The following RHBDD1 variants were observed in gnomAD, a reference collection of about 807,000 sequenced individuals.
The protein encoded by RHBDD1 is rhomboid-related protein 4.
Under a neutral mutation model 36.3 loss-of-function variants are expected in RHBDD1, and 38 were observed. That is an observed-to-expected ratio of 1.05 (90% CI 0.81 to 1.37). RHBDD1 has a LOEUF of 1.37. Ranked by LOEUF, RHBDD1 falls within the 40% of genes most tolerant of loss-of-function variation. The pLI is 0.00. For synonymous variants in RHBDD1, 151 were observed against 136.5 expected (o/e 1.11, Z -0.74); for missense variants, 393 against 377.6 (o/e 1.04, Z -0.34).
intron 8 of RHBDD1, among the ~76,000 whole-genome samples, chr2:226,923,163 T>G: frequency 6.6e-6 from 1 of 152,216 alleles, no homozygotes; most frequent in East Asian, 1.9e-4. Context: ...CATCCTTTTC[T>G]TTCAGATTGA....
chr2:226,892,495 C>T (rs1284155952), intron 5 of RHBDD1, among the ~76,000 whole-genome samples: 1 of 152,184 alleles, frequency 6.6e-6, no homozygotes, highest in African/African-American at 2.4e-5. Flanking sequence ...GATACACTGA[C>T]TTGAGGTATC....
chr2:226,958,367 A>T (rs940259723), intron 8 of RHBDD1, among the ~76,000 whole-genome samples: 3 of 152,310 alleles, frequency 2.0e-5, no homozygotes, highest in South Asian at 4.1e-4. Flanking sequence ...GCCAAGGCCT[A>T]AAGGTAGTGG....
At chr2:226,857,980 CATT>C (rs1943498051) in intron 3 of RHBDD1, among the ~76,000 whole-genome samples, 1 of 152,104 alleles carries the variant, frequency 6.6e-6, no homozygotes, top group South Asian at 2.1e-4. Context: ...CCTAGTGTTC[CATT>C]ATTGGAATGC....
intron 4 of RHBDD1, among the ~76,000 whole-genome samples, chr2:226,865,427 T>C (rs1232634572): frequency 6.6e-6 from 1 of 152,168 alleles, no homozygotes; most frequent in African/African-American, 2.4e-5. Flanking sequence ...ACAGATGTAT[T>C]TGTAATAGGG....
rs576608336 is a variant in RHBDD1, at chr2:226,989,982, C to G, written c.857-5449C>G. 1.5e-4 allele frequency among the ~76,000 whole-genome samples: 23 copies of G among 152,270 alleles called. No homozygotes were observed. In the South Asian group the frequency reaches 4.8e-3, roughly 32 times the overall value. On this transcript the variant is annotated intron_variant, in intron 8 of 8. Transcript: ENST00000392062. Reference sequence around the variant, plus strand: ...CTTGATTGATTGAAGGATAGAAATGCGAATGTTTTCTCTCTAAAGTCACAT... The same window carrying G: ...CTTGATTGATTGAAGGATAGAAATGGGAATGTTTTCTCTCTAAAGTCACAT...
chr2:226,958,283 G>T (rs981444116), intron 8 of RHBDD1, among the ~76,000 whole-genome samples: 1 of 152,280 alleles, frequency 6.6e-6, no homozygotes, highest in Non-Finnish European at 1.5e-5. Flanking sequence ...ATGACACATG[G>T]CCACATTATA....
intron 5 of RHBDD1, among the ~76,000 whole-genome samples, chr2:226,873,685 G>A (rs1422153806): frequency 2.0e-5 from 3 of 152,146 alleles, no homozygotes; most frequent in African/African-American, 7.2e-5. Flanking sequence ...GTTTGAAAAC[G>A]GAGAAAGCTG....
intron 8 of RHBDD1, among the ~76,000 whole-genome samples, chr2:226,973,229 AATTTGT>A (rs745395916): frequency 6.6e-5 from 10 of 152,240 alleles, no homozygotes; most frequent in Non-Finnish European, 1.5e-4. Context: ...CAAACCATTT[AATTTGT>A]AGCAGGAATC....
chr2:226,897,189 T>C (rs1947164546), intron 5 of RHBDD1, among the ~76,000 whole-genome samples: 1 of 152,208 alleles, frequency 6.6e-6, no homozygotes. Flanking sequence ...TTCCCACTTC[T>C]GAGCATGCTA....
intron 7 of RHBDD1, among the ~76,000 whole-genome samples, chr2:226,911,620 A>G (rs992506364): frequency 2.7e-5 from 4 of 150,186 alleles, no homozygotes; most frequent in African/African-American, 9.8e-5. Flanking sequence ...CTTTACTCTC[A>G]AGGTCTGAAA....
chr2:226,985,193 T>C (rs942504408), intron 8 of RHBDD1, among the ~76,000 whole-genome samples: 2 of 152,154 alleles, frequency 1.3e-5, no homozygotes, highest in African/African-American at 2.4e-5. Context: ...GCATGCACAA[T>C]AGCAGGAGGA....
intron 4 of RHBDD1, 128 bp from the exon 5 acceptor site, chr2:226,867,058 G>T (rs1405358517): frequency 5.7e-6 from 5 of 872,860 alleles, no homozygotes; most frequent in Non-Finnish European, 8.8e-6. Context: ...AAGGAATAGG[G>T]TATGTTTTAA....
chr2:226,877,815 C>T (rs1196599965), intron 5 of RHBDD1, among the ~76,000 whole-genome samples: 2 of 152,046 alleles, frequency 1.3e-5, no homozygotes, highest in Non-Finnish European at 2.9e-5. Flanking sequence ...ACCGCTTTGT[C>T]AAAGATATTC....
chr2:226,861,396 C>A (rs187477510), intron 3 of RHBDD1, among the ~76,000 whole-genome samples: 1 of 152,300 alleles, frequency 6.6e-6, no homozygotes, highest in East Asian at 1.9e-4. Context: ...GACACCTTTT[C>A]ATCCAGCCAG....
Position 226,995,456 on chromosome 2 carries a change from C to T in RHBDD1, c.882C>T (p.Pro294=), listed in dbSNP as rs767764320. The change falls in exon 9 of 9, where the codon CCC becomes CCT. Residue 294 remains proline (P), a synonymous_variant. Transcript: ENST00000392062. ...GAAATACCAGAAATAGCCCACCACC[C>T]TACGGGTTTCATCTCTCACCAGAAG... The part of the protein sequence containing the change: ...DRGNTRNSPP[P]YGFHLSPEEM... The T allele has an allele frequency of 4.0e-5, 64 of 1,612,834 alleles. No individual in the cohort carries two copies. Among genetic ancestry groups the T allele is most frequent in the Non-Finnish European group, 5.4e-5 (64 of 1,179,324 alleles).
intron 8 of RHBDD1, among the ~76,000 whole-genome samples, chr2:226,938,529 A>G (rs1950486578): frequency 6.6e-6 from 1 of 152,172 alleles, no homozygotes; most frequent in African/African-American, 2.4e-5. Flanking sequence ...TCTAGGAGAA[A>G]TGGATAAATT....
chr2:226,900,461 A>T (rs1947494746), intron 5 of RHBDD1, among the ~76,000 whole-genome samples: 1 of 152,164 alleles, frequency 6.6e-6, no homozygotes. Flanking sequence ...CACAGTCAGT[A>T]TTTGATTATA....
intron 3 of RHBDD1, among the ~76,000 whole-genome samples, chr2:226,859,752 A>C (rs564655038): frequency 7.2e-5 from 11 of 152,130 alleles, no homozygotes; most frequent in Non-Finnish European, 1.5e-4. Context: ...CGGGCAGGGA[A>C]CTGGTGATAT....
chr2:226,941,651 T>G (rs1319137246), intron 8 of RHBDD1, among the ~76,000 whole-genome samples: 3 of 152,222 alleles, frequency 2.0e-5, no homozygotes, highest in Non-Finnish European at 4.4e-5. Flanking sequence ...TTAGATGTTG[T>G]CTAGCATTTG....
Sources: gnomAD v4.1 joint callset for allele counts (sites outside exome capture counted in the v4.1 genomes callset) on GRCh38, gnomAD v4.1.1 for gene constraint, MANE v1.5 for transcripts, NCBI Gene and HGNC (gene_info 2026-07-23, HGNC 2026-07-21) for gene names.